The following ZDHHC20 variants were observed in gnomAD, a reference collection of about 807,000 sequenced individuals.
The protein encoded by ZDHHC20 is palmitoyltransferase ZDHHC20.
Under a neutral mutation model 57.8 loss-of-function variants are expected in ZDHHC20, and 43 were observed. The observed-to-expected ratio is 0.74, with a 90% CI of 0.58 to 0.96. ZDHHC20 has a LOEUF of 0.96. Ranked by LOEUF, ZDHHC20 falls within the 40% of genes least tolerant of loss-of-function variation. The pLI is 0.00. For synonymous variants in ZDHHC20, 157 were observed against 153.0 expected, an observed-to-expected ratio of 1.03 and a Z score of -0.19; for missense variants, 391 against 441.1, an observed-to-expected ratio of 0.89 and a Z score of 1.02.
intron 6 of ZDHHC20, among the ~76,000 whole-genome samples, chr13:21,401,229 A>G (rs1400539521): frequency 6.6e-6 from 1 of 152,144 alleles, no homozygotes; most frequent in East Asian, 1.9e-4. Flanking sequence ...CAGTGAGACA[A>G]GATCATGCCA....
chr13:21,405,072 C>T (rs1207895413), intron 4 of ZDHHC20, among the ~76,000 whole-genome samples: 1 of 152,004 alleles, frequency 6.6e-6, no homozygotes, highest in African/African-American at 2.4e-5. Flanking sequence ...AAGGTGGTAG[C>T]CTCTGATGAG....
rs1300274620 is a variant in ZDHHC20 at position 21,378,726 on chromosome 13, T to C, written c.1073A>G (p.His358Arg). ...TCAATTTTCTATTGCCACTGTTACA[T>C]GGTTATTTGTCCCTGTAAGCATATA... ...EGIVKSGTNNHVTVAIEN is the reference protein window; with the variant it reads ...EGIVKSGTNNRVTVAIEN The change falls in exon 12 of 13, where the codon CAT (histidine) becomes CGT (arginine). Residue 358 changes from histidine (H) to arginine (R), a missense_variant. Physicochemically the swap from His to Arg is conservative, Grantham distance 29. This residue lies in a region of ZDHHC20 where 197 missense variants were observed against 220.8 expected (regional missense o/e 0.89). Coordinates refer to ENST00000400590, the MANE Select transcript of ZDHHC20 (RefSeq NM_001330059.2). 16 of 1,460,276 alleles carry C rather than the reference T, an allele frequency of 1.1e-5. No homozygotes were observed. The highest frequency in any genetic ancestry group is 4.5e-5 in the Admixed American group (2 of 44,598). 90.5% of individuals were successfully genotyped at this position (1,460,276 alleles called of 1,614,324 possible).
At chr13:21,457,494 A>G (rs1338488257) in intron 1 of ZDHHC20, among the ~76,000 whole-genome samples, 1 of 152,204 alleles carries the variant, frequency 6.6e-6, no homozygotes, top group African/African-American at 2.4e-5. Flanking sequence ...AATTGACTCA[A>G]ACATCATTTT....
chr13:21,406,916 C>A (rs529628252), intron 4 of ZDHHC20, among the ~76,000 whole-genome samples: 2 of 152,238 alleles, frequency 1.3e-5, no homozygotes, highest in South Asian at 4.1e-4. Flanking sequence ...ATTGCTGGGT[C>A]AAATGGTATT....
intron 1 of ZDHHC20, among the ~76,000 whole-genome samples, chr13:21,433,793 G>A (rs962279207): frequency 6.6e-6 from 1 of 152,180 alleles, no homozygotes. Flanking sequence ...TGACCATGGC[G>A]TAGCTCTCCA....
chr13:21,390,541 T>C (rs1875501925), intron 8 of ZDHHC20, among the ~76,000 whole-genome samples: 1 of 152,212 alleles, frequency 6.6e-6, no homozygotes, highest in East Asian at 1.9e-4. Flanking sequence ...AAAAGCACTA[T>C]TCCTTAGCCT....
At chr13:21,394,318 A>T (rs1379865124) in intron 7 of ZDHHC20, among the ~76,000 whole-genome samples, 2 of 152,044 alleles carry the variant, frequency 1.3e-5, no homozygotes, top group Non-Finnish European at 2.9e-5. Flanking sequence ...AATTCCCTTC[A>T]AGTTTTTGCT....
At chr13:21,448,423 T>G (rs1349988478) in intron 1 of ZDHHC20, among the ~76,000 whole-genome samples, 5 of 69,444 alleles carry the variant, frequency 7.2e-5, no homozygotes, top group African/African-American at 1.5e-4. Flanking sequence ...GGTGGGGGGG[T>G]CAGCCCCCCG....
intron 1 of ZDHHC20, among the ~76,000 whole-genome samples, chr13:21,450,730 C>T (rs538374773): frequency 1.3e-5 from 2 of 149,980 alleles, no homozygotes; most frequent in Admixed American, 6.6e-5. Context: ...AAAATAGATG[C>T]GAAATGATAA....
At chr13:21,449,306 G>C (rs2138052794) in intron 1 of ZDHHC20, among the ~76,000 whole-genome samples, 1 of 152,320 alleles carries the variant, frequency 6.6e-6, no homozygotes, top group African/African-American at 2.4e-5. Flanking sequence ...TTTGGGCTAT[G>C]ATCAGCTGGA....
chr13:21,439,772 A>T (rs1441899542), intron 1 of ZDHHC20, among the ~76,000 whole-genome samples: 1 of 152,126 alleles, frequency 6.6e-6, no homozygotes, highest in Non-Finnish European at 1.5e-5. Flanking sequence ...CTCTGGTTAT[A>T]TAATATTCTA....
intron 3 of ZDHHC20, among the ~76,000 whole-genome samples, chr13:21,417,148 C>T (rs576952254): frequency 2.6e-4 from 39 of 152,298 alleles, no homozygotes; most frequent in Admixed American, 1.7e-3. Context: ...AAGGTCTCAG[C>T]TTAAATACCA....
intron 1 of ZDHHC20, among the ~76,000 whole-genome samples, chr13:21,452,176 T>A (rs1214234277): frequency 6.6e-6 from 1 of 152,074 alleles, no homozygotes; most frequent in Non-Finnish European, 1.5e-5. Flanking sequence ...CAACATGGAT[T>A]AGTGGTTGCC....
intron 7 of ZDHHC20, among the ~76,000 whole-genome samples, chr13:21,393,101 A>G (rs1593194200): frequency 1.3e-5 from 2 of 152,306 alleles, no homozygotes; most frequent in African/African-American, 4.8e-5. Context: ...TTGCTTTCTA[A>G]TGGCCATCTA....
intron 7 of ZDHHC20, among the ~76,000 whole-genome samples, chr13:21,399,878 G>A (rs1025403349): frequency 1.3e-5 from 2 of 151,976 alleles, no homozygotes; most frequent in African/African-American, 2.4e-5. Flanking sequence ...GCATTCCTTT[G>A]TATAGATGTG....
intron 1 of ZDHHC20, among the ~76,000 whole-genome samples, chr13:21,426,398 C>T (rs1485002251): frequency 1.3e-5 from 2 of 152,110 alleles, no homozygotes; most frequent in African/African-American, 4.8e-5. Flanking sequence ...AGTCCCTCCC[C>T]ACTGTCTTCC....
chr13:21,417,334 G>A (rs371332807), intron 3 of ZDHHC20, among the ~76,000 whole-genome samples: 4 of 151,838 alleles, frequency 2.6e-5, no homozygotes, highest in Admixed American at 1.3e-4. Flanking sequence ...TCTGATATCC[G>A]GTGGGTGGTC....
At position 21,459,296 on chromosome 13, in the gene ZDHHC20, G is replaced by C. The variant is rs966560981; in HGVS notation, c.-125C>G. 3.0e-6 allele frequency: 2 copies of C among 667,156 alleles called. No homozygotes were observed. Among genetic ancestry groups the C allele is most frequent in the African/African-American group, 3.9e-5 (2 of 51,812 alleles). 41.3% of individuals were successfully genotyped at this position (667,156 alleles called of 1,614,324 possible). ...CTCCCCCGCCTCCGAGGCAGGACTT[G>C]TGGGAGCAAAAGTCCGAGGCGCCGC... On this transcript the variant is annotated 5_prime_UTR_variant, in exon 1 of 13. Transcript: ENST00000400590.
chr13:21,393,157 G>A (rs1174947299), intron 7 of ZDHHC20, among the ~76,000 whole-genome samples: 1 of 151,022 alleles, frequency 6.6e-6, no homozygotes, highest in Non-Finnish European at 1.5e-5. Context: ...ACAAGAACAT[G>A]TAGCTGTTCA....
Sources: allele counts gnomAD v4.1 joint callset (sites outside exome capture counted in the v4.1 genomes callset), GRCh38; gene constraint gnomAD v4.1.1; regional missense constraint gnomAD v4.1.1; transcripts MANE v1.5; gene names NCBI Gene and HGNC (gene_info 2026-07-23, HGNC 2026-07-21).